Variants in RIMKLB observed in about 807,000 individuals in gnomAD.
RIMKLB encodes the protein ribosomal modification protein rimK like family member B.
Under a neutral mutation model 32.0 loss-of-function variants are expected in RIMKLB, and 7 were observed. The ratio of observed to expected loss-of-function variants is 0.22; its 90% CI spans 0.12 to 0.41. The LOEUF is 0.41. RIMKLB is among the 10% of genes least tolerant of loss of function. The probability of loss-of-function intolerance (pLI) is 1.00; values close to 1 mark genes in which losing one functional copy is unlikely to be tolerated. For missense variants in RIMKLB, 289 were observed against 498.7 expected (o/e 0.58, Z 4.00); for synonymous variants, 172 against 185.1 (o/e 0.93, Z 0.57).
At chr12:8,739,520 C>T (rs1436347514) in intron 2 of RIMKLB, among the ~76,000 whole-genome samples, 4 of 152,112 alleles carry the variant, frequency 2.6e-5, no homozygotes, top group Non-Finnish European at 5.9e-5. Flanking sequence ...CTGTCACCCA[C>T]GCTGGTGCGC....
chr12:8,677,991 C>T (rs895622512), upstream of RIMKLB, among the ~76,000 whole-genome samples: 1 of 151,180 alleles, frequency 6.6e-6, no homozygotes, highest in African/African-American at 2.4e-5. Context: ...CCATGTTTCC[C>T]AGGCTGGTCT....
the RIMKLB span, among the ~76,000 whole-genome samples, chr12:8,670,770 T>C: frequency 2.6e-5 from 4 of 152,256 alleles, no homozygotes; most frequent in Non-Finnish European, 4.4e-5. Flanking sequence ...ATTTCCCTTC[T>C]GCACTGCCCT....
chr12:8,780,283 A>G (rs779506113), downstream of RIMKLB: 2 of 152,234 alleles, frequency 1.3e-5, no homozygotes, highest in Non-Finnish European at 2.9e-5. Context: ...TAGGTAAAGA[A>G]GGAAACAGAC....
intron 2 of RIMKLB, among the ~76,000 whole-genome samples, chr12:8,724,445 T>A (rs1945784438): frequency 6.6e-6 from 1 of 152,248 alleles, no homozygotes; most frequent in Non-Finnish European, 1.5e-5. Context: ...TTTTCTGATT[T>A]TTTTTGTTTC....
chr12:8,777,603 CA>C, downstream of RIMKLB: 6 of 1,287,146 alleles, frequency 4.7e-6, no homozygotes, highest in South Asian at 2.5e-5. Flanking sequence ...TTTCAGGAGC[CA>C]AAAAAACAAA....
At chr12:8,749,596 C>T (rs1188318163) in intron 2 of RIMKLB, among the ~76,000 whole-genome samples, 1 of 152,160 alleles carries the variant, frequency 6.6e-6, no homozygotes, top group African/African-American at 2.4e-5. Context: ...TGTATCTGGG[C>T]ATTTGTTCAT....
downstream of RIMKLB, chr12:8,779,992 C>T (rs1235079432): frequency 6.6e-6 from 1 of 152,168 alleles, no homozygotes; most frequent in Non-Finnish European, 1.5e-5. Context: ...AATATACCCA[C>T]TGCTTATATG....
At chr12:8,676,382 CTTTTTTTTTTTTT>C in the RIMKLB span, among the ~76,000 whole-genome samples, 18 of 37,340 alleles carry the variant, frequency 4.8e-4, no homozygotes, top group East Asian at 4.4e-3. Flanking sequence ...CCCCCAACAG[CTTTTTTTTTTTTT>C]TTTTTTTTTT....
chr12:8,670,688 C>T, the RIMKLB span, among the ~76,000 whole-genome samples: 1 of 152,210 alleles, frequency 6.6e-6, no homozygotes, highest in Non-Finnish European at 1.5e-5. Context: ...GTCTGGGGGG[C>T]CATGGCCGTC....
chr12:8,768,870 T>C (rs954231516), intron 5 of RIMKLB, among the ~76,000 whole-genome samples: 1 of 152,238 alleles, frequency 6.6e-6, no homozygotes, highest in Non-Finnish European at 1.5e-5. Flanking sequence ...ATCTCTGCTT[T>C]GTATGTGATT....
chr12:8,674,238 T>C, the RIMKLB span, among the ~76,000 whole-genome samples: 40 of 135,946 alleles, frequency 2.9e-4, no homozygotes, highest in South Asian at 6.6e-4. Flanking sequence ...TTTTTTTTTT[T>C]CCTTTTTTTT....
At chr12:8,744,844 C>G (rs1947926674) in intron 2 of RIMKLB, among the ~76,000 whole-genome samples, 1 of 150,500 alleles carries the variant, frequency 6.6e-6, no homozygotes, top group African/African-American at 2.5e-5. Context: ...TTTTAAAATT[C>G]TTTCTTTTTT....
intron 2 of RIMKLB, among the ~76,000 whole-genome samples, chr12:8,726,543 A>G (rs960546661): frequency 6.6e-6 from 1 of 152,164 alleles, no homozygotes; most frequent in Non-Finnish European, 1.5e-5. Flanking sequence ...TGGTTAGTGT[A>G]GCATGGTATA....
chr12:8,757,552 A>C (rs1166352154), intron 5 of RIMKLB, among the ~76,000 whole-genome samples: 1 of 151,910 alleles, frequency 6.6e-6, no homozygotes, highest in Non-Finnish European at 1.5e-5. Flanking sequence ...CCCATTAACC[A>C]GCTTTAGAAA....
At chr12:8,694,366 T>G (rs1404292884), upstream of RIMKLB, among the ~76,000 whole-genome samples, 1 of 148,626 alleles carries the variant, frequency 6.7e-6, no homozygotes, top group East Asian at 2.0e-4. Context: ...GTGTGAGCCA[T>G]CACACTCAAC....
At position 8,776,367 on chromosome 12, in the gene RIMKLB, A is replaced by C. The variant is rs888471816; in HGVS notation, c.*2583A>C. On this transcript the variant is annotated 3_prime_UTR_variant, in exon 6 of 6. Transcript: ENST00000535829. ...CAAGATTGAGGTAGAGAATAAGAGC[A>C]AATCATTCTGGAAGTACCTTAAGGA... The C allele has an allele frequency of 3.9e-4, 388 of 983,552 alleles. No individual in the cohort carries two copies. Among genetic ancestry groups the C allele is most frequent in the Non-Finnish European group, 4.3e-4 (356 of 828,280 alleles). The allele number at this position is 983,552 out of a possible 1,614,324, so 60.9% of individuals were successfully genotyped here.
rs1950581376 is a variant in RIMKLB at position 8,773,889 on chromosome 12, G to A, written c.*105G>A. 6.8e-7 allele frequency: 1 copy of A among 1,463,656 alleles called. No homozygotes were observed. The highest frequency in any genetic ancestry group is 1.4e-5 in the African/African-American group (1 of 70,350). The allele number at this position is 1,463,656 out of a possible 1,614,324, so 90.7% of individuals were successfully genotyped here. On this transcript the variant is annotated 3_prime_UTR_variant, in exon 6 of 6. Coordinates refer to ENST00000535829, the MANE Select transcript of RIMKLB (RefSeq NM_001297776.2). ...GTTCATGGAGGATGCTCAGGAAGAT[G>A]AGAGAAAATTAGTAGGATTAGTTGG...
intron 5 of RIMKLB, among the ~76,000 whole-genome samples, chr12:8,763,659 A>G (rs1452955337): frequency 1.3e-5 from 2 of 152,360 alleles, no homozygotes. Context: ...GAAACCTTGT[A>G]GCCACAAGTG....
At chr12:8,731,166 G>A (rs1377265421) in intron 2 of RIMKLB, among the ~76,000 whole-genome samples, 1 of 152,012 alleles carries the variant, frequency 6.6e-6, no homozygotes, top group Non-Finnish European at 1.5e-5. Flanking sequence ...GCGCAATCTC[G>A]GCTCACTGCA....
Sources: allele counts gnomAD v4.1 joint callset (sites outside exome capture counted in the v4.1 genomes callset), GRCh38; gene constraint gnomAD v4.1.1; transcripts MANE v1.5; gene names NCBI Gene and HGNC (gene_info 2026-07-23, HGNC 2026-07-21).